Variants in DSCAM observed in about 807,000 individuals in gnomAD.
DSCAM encodes the protein cell adhesion molecule DSCAM.
DSCAM carries 47 observed loss-of-function variants against 217.7 expected under a neutral mutation model. The observed-to-expected ratio is 0.22, with a 90% CI of 0.17 to 0.28. DSCAM has a LOEUF of 0.28. Among genes scored for constraint, DSCAM ranks in the 10% least tolerant of loss-of-function variants. The probability of loss-of-function intolerance (pLI) is 1.00; values close to 1 mark genes in which losing one functional copy is unlikely to be tolerated. For missense variants in DSCAM, 2,080 were observed against 2,618.3 expected, an observed-to-expected ratio of 0.79 and a Z score of 4.49; for synonymous variants, 1,056 against 1,015.3, an observed-to-expected ratio of 1.04 and a Z score of -0.76.
intron 32 of DSCAM, among the ~76,000 whole-genome samples, chr21:40,029,426 G>GA (rs1491184485): frequency 7.1e-6 from 1 of 141,670 alleles, no homozygotes; most frequent in Non-Finnish European, 1.5e-5. Context: ...ATTTGAGGTT[G>GA]TTTTTTTTTT....
At chr21:40,658,719 G>A (rs1176160829) in intron 3 of DSCAM, among the ~76,000 whole-genome samples, 1 of 151,966 alleles carries the variant, frequency 6.6e-6, no homozygotes, top group African/African-American at 2.4e-5. Flanking sequence ...TGGGGGGAGT[G>A]GGGGTAGGAA....
chr21:40,489,699 CG>C (rs2076059063), intron 3 of DSCAM, among the ~76,000 whole-genome samples: 1 of 127,706 alleles, frequency 7.8e-6, no homozygotes, highest in Non-Finnish European at 1.6e-5. Flanking sequence ...GGCGTGAACC[CG>C]GGAGGCGGAG....
At chr21:40,598,352 T>A (rs975747395) in intron 3 of DSCAM, among the ~76,000 whole-genome samples, 1 of 152,198 alleles carries the variant, frequency 6.6e-6, no homozygotes, top group Non-Finnish European at 1.5e-5. Context: ...CTTCGGTTGA[T>A]TTTAGTTCGG....
intron 3 of DSCAM, among the ~76,000 whole-genome samples, chr21:40,488,540 C>A (rs527483530): frequency 2.0e-5 from 3 of 152,050 alleles, no homozygotes; most frequent in Admixed American, 6.5e-5. Context: ...TCCGTGGGCA[C>A]AGAGTGACAC....
chr21:40,052,187 C>T, intron 29 of DSCAM, 80 bp from the exon 30 acceptor site: 1 of 1,501,436 alleles, frequency 6.7e-7, no homozygotes, highest in Non-Finnish European at 9.0e-7. Context: ...TCTCCTGAGG[C>T]ACTTGTGTTA....
At chr21:40,415,838 T>C (rs1211076938) in intron 3 of DSCAM, among the ~76,000 whole-genome samples, 3 of 152,058 alleles carry the variant, frequency 2.0e-5, no homozygotes, top group African/African-American at 7.2e-5. Context: ...TATACACACC[T>C]TCCCCCAACT....
intron 3 of DSCAM, among the ~76,000 whole-genome samples, chr21:40,516,351 G>C (rs138537827): frequency 1.3e-5 from 2 of 152,138 alleles, no homozygotes; most frequent in African/African-American, 2.4e-5. Context: ...TTCAACAGAG[G>C]AAATGCGATG....
chr21:40,794,542 G>GA (rs35301932), intron 1 of DSCAM, among the ~76,000 whole-genome samples: 76,403 of 138,200 alleles, frequency 0.55, 21,294 homozygotes, highest in South Asian at 0.7. Context: ...AGTCAAATTG[G>GA]AAAAAAAAAA....
chr21:40,492,161 G>T (rs1400696422), intron 3 of DSCAM, among the ~76,000 whole-genome samples: 1 of 151,962 alleles, frequency 6.6e-6, no homozygotes, highest in Non-Finnish European at 1.5e-5. Context: ...CTATTCTAGT[G>T]CTTCAGAGCC....
At chr21:40,346,711 T>C (rs1293998320) in intron 6 of DSCAM, among the ~76,000 whole-genome samples, 1 of 152,160 alleles carries the variant, frequency 6.6e-6, no homozygotes, top group African/African-American at 2.4e-5. Context: ...CCAAAACCTG[T>C]TATTATACCA....
chr21:40,464,740 C>G (rs900464978), intron 3 of DSCAM, among the ~76,000 whole-genome samples: 1 of 149,990 alleles, frequency 6.7e-6, no homozygotes, highest in East Asian at 2.0e-4. Flanking sequence ...TCCCCAGAAC[C>G]ATCTTTTTTT....
intron 15 of DSCAM, among the ~76,000 whole-genome samples, chr21:40,178,174 C>G (rs2090753458): frequency 6.6e-6 from 1 of 152,126 alleles, no homozygotes; most frequent in Non-Finnish European, 1.5e-5. Flanking sequence ...GCTCAGTTCT[C>G]TGCACACCTG....
At chr21:40,182,347 A>G (rs116759097) in intron 14 of DSCAM, among the ~76,000 whole-genome samples, 165 of 151,962 alleles carry the variant, frequency 1.1e-3, no homozygotes, top group African/African-American at 3.7e-3. Flanking sequence ...AGACCAAGAG[A>G]GGAGAGGGGT....
chr21:40,193,363 AG>A (rs2090972995), intron 11 of DSCAM, among the ~76,000 whole-genome samples: 1 of 152,162 alleles, frequency 6.6e-6, no homozygotes, highest in Non-Finnish European at 1.5e-5. Flanking sequence ...TACGGGAAAG[AG>A]GCTAACTCAA....
At chr21:40,599,170 G>A (rs1568930049) in intron 3 of DSCAM, among the ~76,000 whole-genome samples, 1 of 151,984 alleles carries the variant, frequency 6.6e-6, no homozygotes, top group Non-Finnish European at 1.5e-5. Context: ...GTTCTCAATT[G>A]TTCAATTGTG....
chr21:40,534,552 G>C (rs1018378584), intron 3 of DSCAM, among the ~76,000 whole-genome samples: 2 of 152,152 alleles, frequency 1.3e-5, no homozygotes, highest in African/African-American at 4.8e-5. Flanking sequence ...GACTCCACAG[G>C]CATGTCCCCA....
intron 31 of DSCAM, among the ~76,000 whole-genome samples, 179 bp from the exon 32 acceptor site, chr21:40,042,852 C>T (rs1168250517): frequency 6.6e-6 from 1 of 152,224 alleles, no homozygotes; most frequent in Non-Finnish European, 1.5e-5. Context: ...TCACAAGTCT[C>T]AGCAGATCCG....
chr21:40,145,863 T>C (rs2090349067), intron 16 of DSCAM, among the ~76,000 whole-genome samples: 1 of 151,358 alleles, frequency 6.6e-6, no homozygotes, highest in Non-Finnish European at 1.5e-5. Context: ...AAAAAAGATA[T>C]GCGAATGCCA....
chr21:40,059,741 C>T (rs1366586245), intron 28 of DSCAM, among the ~76,000 whole-genome samples: 1 of 152,012 alleles, frequency 6.6e-6, no homozygotes, highest in African/African-American at 2.4e-5. Context: ...GTAAAATGAC[C>T]TACTAAGATC....
Sources: gnomAD v4.1 joint callset for allele counts (sites outside exome capture counted in the v4.1 genomes callset) on GRCh38, gnomAD v4.1.1 for gene constraint, MANE v1.5 for transcripts, NCBI Gene and HGNC (gene_info 2026-07-23, HGNC 2026-07-21) for gene names.